The following GSE1 variants were observed in gnomAD, a reference collection of about 807,000 sequenced individuals.
GSE1 encodes the protein Gse1 coiled-coil protein.
A neutral mutation model predicts 112.6 loss-of-function variants in GSE1; 32 were observed. The ratio of observed to expected loss-of-function variants is 0.28; its 90% confidence interval spans 0.21 to 0.38. GSE1 has a LOEUF of 0.38. Among genes scored for constraint, GSE1 ranks in the 10% least tolerant of loss-of-function variants. The pLI, the probability that GSE1 is intolerant of heterozygous loss-of-function variation, is 1.00. For missense variants in GSE1, 2,348 were observed against 1,699.2 expected (o/e 1.38, Z -6.71); for synonymous variants, 1,115 against 735.6 (o/e 1.52, Z -8.35).
chr16:85,563,189 CT>C (rs80212096), intron 1 of GSE1, among the ~76,000 whole-genome samples: 2,740 of 140,362 alleles, frequency 0.02, 29 homozygotes, highest in African/African-American at 0.024. Flanking sequence ...CCTCCTCTTC[CT>C]TTTTTTTTTT....
intron 1 of GSE1, among the ~76,000 whole-genome samples, chr16:85,281,977 A>T (rs2044870626): frequency 6.6e-6 from 1 of 151,796 alleles, no homozygotes; most frequent in Admixed American, 6.6e-5. Context: ...GATGGCACAG[A>T]TGGTGCCGGG....
chr16:85,520,248 C>T (rs147394049), intron 2 of GSE1, among the ~76,000 whole-genome samples: 107 of 152,048 alleles, frequency 7.0e-4, no homozygotes, highest in Middle Eastern at 3.4e-3. Context: ...TTAATCCCAT[C>T]GTGAGGGCCG....
chr16:85,253,001 A>C (rs113825817), intron 1 of GSE1, among the ~76,000 whole-genome samples: 1,986 of 121,022 alleles, frequency 0.016, 60 homozygotes, highest in African/African-American at 0.06. Flanking sequence ...GCCCCTAGCC[A>C]CTCCCCACAG....
Position 85,655,885 on chromosome 16 carries a change from C to G in GSE1, c.957C>G (p.His319Gln), listed in dbSNP as rs765205986. Residue 319 changes from histidine to glutamine, a missense_variant, in exon 6 of 16, where the codon CAC (histidine) becomes CAG (glutamine). His to Gln is a conservative substitution (Grantham distance 24). Coordinates refer to ENST00000253458, the MANE Select transcript of GSE1 (RefSeq NM_014615.5). ...ELSHSSLAAL[H>Q]SERMSGLSAE... ...CCCACTCATCCCTGGCAGCGCTGCA[C>G]TCGGAGCGCATGTCTGGCCTCAGCG... The G allele has an allele frequency of 2.5e-6, 4 of 1,606,616 alleles. No homozygotes were observed. Among genetic ancestry groups the G allele is most frequent in the Non-Finnish European group, 3.4e-6 (4 of 1,179,778 alleles).
At chr16:85,248,924 A>C (rs1412811942) in intron 1 of GSE1, among the ~76,000 whole-genome samples, 1 of 152,176 alleles carries the variant, frequency 6.6e-6, no homozygotes, top group Non-Finnish European at 1.5e-5. Context: ...CTCAACTGGC[A>C]GGTGGAGTCC....
chr16:85,508,759 A>G (rs1036401506), intron 2 of GSE1, among the ~76,000 whole-genome samples: 5 of 152,232 alleles, frequency 3.3e-5, no homozygotes, highest in East Asian at 3.9e-4. Flanking sequence ...TGAAATTAGC[A>G]GGAAGCTAAT....
chr16:85,555,695 T>C, upstream of GSE1: 1 of 658,576 alleles, frequency 1.5e-6, no homozygotes, highest in Non-Finnish European at 1.8e-6. Context: ...TCCTTTTTCC[T>C]TCTGGTTCTG....
Position 85,672,527 on chromosome 16 carries a change from A to C in GSE1, c.3642A>C (p.Gly1214=), listed in dbSNP as rs189975084. Residue 1214 remains glycine (G), a synonymous_variant, in exon 16 of 16, where the codon GGA becomes GGC. Coordinates refer to ENST00000253458, the MANE Select transcript of GSE1 (RefSeq NM_014615.5). The part of the protein sequence containing the change: ...AMHWPRGYLK[G]YPR ...ACTGGCCTAGGGGCTACCTGAAGGG[A>C]TATCCCAGGTGACGGTTTCCCTTGC... 1 of 1,605,220 alleles carries C rather than the reference A, an allele frequency of 6.2e-7. No homozygotes were observed.
chr16:85,173,762 G>A (rs572892686), intron 1 of GSE1, among the ~76,000 whole-genome samples: 231 of 152,310 alleles, frequency 1.5e-3, no homozygotes, highest in African/African-American at 5.1e-3. Flanking sequence ...ACAAGAAGCC[G>A]CCGTTTCCCA....
intron 1 of GSE1, among the ~76,000 whole-genome samples, chr16:85,186,606 A>G (rs76393332): frequency 6.6e-5 from 9 of 136,644 alleles, no homozygotes; most frequent in South Asian, 4.5e-4. Flanking sequence ...CTGTCTCAAG[A>G]AAAAAAAAAA....
intron 2 of GSE1, among the ~76,000 whole-genome samples, chr16:85,461,825 C>T (rs2049977018): frequency 6.6e-6 from 1 of 152,174 alleles, no homozygotes; most frequent in African/African-American, 2.4e-5. Flanking sequence ...GGGCCCCCTC[C>T]TCACCTCCCC....
chr16:85,636,769 T>TC (rs1302372757), intron 2 of GSE1, among the ~76,000 whole-genome samples: 2 of 151,938 alleles, frequency 1.3e-5, no homozygotes, highest in African/African-American at 4.8e-5. Flanking sequence ...GAAGCCCCCC[T>TC]CACCCCTAGC....
At chr16:85,448,318 G>A (rs934440849) in intron 2 of GSE1, among the ~76,000 whole-genome samples, 5 of 152,208 alleles carry the variant, frequency 3.3e-5, no homozygotes, top group African/African-American at 4.8e-5. Flanking sequence ...TGATTCTGCT[G>A]TGCAGCCAGG....
chr16:85,389,725 A>G (rs1355593265), intron 2 of GSE1, among the ~76,000 whole-genome samples: 1 of 152,084 alleles, frequency 6.6e-6, no homozygotes, highest in Non-Finnish European at 1.5e-5. Flanking sequence ...AATCCTAACA[A>G]ATCACTGAAG....
intron 1 of GSE1, among the ~76,000 whole-genome samples, chr16:85,282,306 G>A (rs1237889227): frequency 5.9e-5 from 9 of 152,226 alleles, no homozygotes; most frequent in Non-Finnish European, 7.3e-5. Context: ...GATTACAGGC[G>A]TGAGCCACCG....
chr16:85,525,588 C>A (rs907605385), intron 2 of GSE1, among the ~76,000 whole-genome samples: 1 of 152,208 alleles, frequency 6.6e-6, no homozygotes, highest in Non-Finnish European at 1.5e-5. Context: ...GTGTCACTGC[C>A]CACATGCCTG....
chr16:85,521,046 G>C (rs1374861018), intron 2 of GSE1, among the ~76,000 whole-genome samples: 1 of 152,146 alleles, frequency 6.6e-6, no homozygotes. Flanking sequence ...CAACGAGCCG[G>C]TTTGTCTGGG....
At chr16:85,555,803 TG>T, upstream of GSE1, 1 of 950,550 alleles carries the variant, frequency 1.1e-6, no homozygotes, top group Non-Finnish European at 1.3e-6. Context: ...TCCTGGGGGC[TG>T]TTTTTTTTTT....
At position 85,663,164 on chromosome 16, in the gene GSE1, C is replaced by G. The variant is rs1180854547; in HGVS notation, c.2373+71C>G. ...GTTCCTAGCGTCCACACCCTGCAGT[C>G]CACCCCACTGTTGCTAGGTTCCTCC... On this transcript the variant is annotated intron_variant, in intron 10 of 15. Transcript: ENST00000253458. The G allele has an allele frequency of 4.8e-6, 6 of 1,256,076 alleles. No homozygotes were observed. In the East Asian group the frequency reaches 9.3e-5, roughly 19 times the overall value. 77.8% of individuals were successfully genotyped at this position (1,256,076 alleles called of 1,614,324 possible).
Sources: gnomAD v4.1 joint callset for allele counts (sites outside exome capture counted in the v4.1 genomes callset) on GRCh38, gnomAD v4.1.1 for gene constraint, MANE v1.5 for transcripts, NCBI Gene and HGNC (gene_info 2026-07-23, HGNC 2026-07-21) for gene names.